The following DPYS variants were observed in gnomAD, a reference collection of about 807,000 sequenced individuals.
DPYS encodes dihydropyrimidine amidohydrolase.
A neutral mutation model predicts 50.3 loss-of-function variants in DPYS; 39 were observed. The ratio of observed to expected loss-of-function variants is 0.78; its 90% CI spans 0.60 to 1.01. The LOEUF is 1.01. Among genes scored for constraint, DPYS ranks in the 50% least tolerant of loss-of-function variants. The pLI, the probability that DPYS is intolerant of heterozygous loss-of-function variation, is 0.00. For synonymous variants in DPYS, 245 were observed against 250.7 expected (o/e 0.98, Z 0.22); for missense variants, 659 against 680.9 (o/e 0.97, Z 0.36).
At chr8:104,455,574 T>G (rs571483015) in intron 1 of DPYS, among the ~76,000 whole-genome samples, 3 of 152,288 alleles carry the variant, frequency 2.0e-5, no homozygotes, top group Middle Eastern at 3.4e-3. Flanking sequence ...CTGGTGGCAT[T>G]TGCAGACAGG....
At chr8:104,440,139 T>C (rs984750014) in intron 4 of DPYS, among the ~76,000 whole-genome samples, 1 of 152,156 alleles carries the variant, frequency 6.6e-6, no homozygotes, top group African/African-American at 2.4e-5. Context: ...AATACTACTA[T>C]GTGCCAGGCA....
At chr8:104,458,517 C>G (rs1588463000) in intron 1 of DPYS, among the ~76,000 whole-genome samples, 1 of 152,320 alleles carries the variant, frequency 6.6e-6, no homozygotes, top group Non-Finnish European at 1.5e-5. Flanking sequence ...TTACCCCATT[C>G]CCCAGAGATT....
At chr8:104,414,987 T>A (rs1347660267) in intron 7 of DPYS, among the ~76,000 whole-genome samples, 1 of 152,232 alleles carries the variant, frequency 6.6e-6, no homozygotes, top group Non-Finnish European at 1.5e-5. Flanking sequence ...AGAATTCTCT[T>A]CTTTTTAATT....
At chr8:104,405,409 T>C (rs1388012483) in intron 7 of DPYS, among the ~76,000 whole-genome samples, 1 of 152,256 alleles carries the variant, frequency 6.6e-6, no homozygotes, top group African/African-American at 2.4e-5. Flanking sequence ...GAAAGCACTA[T>C]ACTCTTCACT....
intron 6 of DPYS, among the ~76,000 whole-genome samples, chr8:104,427,478 C>T (rs1812770333): frequency 6.6e-6 from 1 of 151,808 alleles, no homozygotes; most frequent in Non-Finnish European, 1.5e-5. Context: ...GGGGTTTCAC[C>T]ATGTTAGCCA....
chr8:104,416,654 T>TGTGA (rs1812379311), intron 7 of DPYS, among the ~76,000 whole-genome samples: 2 of 139,432 alleles, frequency 1.4e-5, no homozygotes. Context: ...CTGATGTGCA[T>TGTGA]GTGAGTGTGT....
chr8:104,461,536 G>A (rs1814168889), intron 1 of DPYS, among the ~76,000 whole-genome samples: 1 of 152,088 alleles, frequency 6.6e-6, no homozygotes, highest in Non-Finnish European at 1.5e-5. Flanking sequence ...ATATAAGGAT[G>A]TCTGTCACAG....
At chr8:104,395,290 C>T (rs1459179207) in intron 7 of DPYS, among the ~76,000 whole-genome samples, 1 of 152,226 alleles carries the variant, frequency 6.6e-6, no homozygotes, top group African/African-American at 2.4e-5. Flanking sequence ...TGAGTCACTG[C>T]ACCTGGTTGG....
intron 3 of DPYS, among the ~76,000 whole-genome samples, chr8:104,446,330 A>G (rs566978585): frequency 6.6e-6 from 1 of 152,328 alleles, no homozygotes; most frequent in Admixed American, 6.5e-5. Flanking sequence ...AGCAATATCT[A>G]TATTTAAGAC....
rs1227690402 is a variant in DPYS, at chr8:104,381,277, T to C, written c.1481A>G (p.Lys494Arg). Residue 494 changes from lysine to arginine, a missense_variant, in exon 9 of 10, where the codon AAG (lysine) becomes AGG (arginine). Lys to Arg is a conservative substitution (Grantham distance 26, BLOSUM62 2). Transcript: ENST00000351513. ...GGATTTCAGTGTGGCGACTTCTCCC[T>C]TATAGGGTGCACGCTCCACAGGGGT... ...TPTPVERAPY[K>R]GEVATLKSRV... The C allele has an allele frequency of 3.1e-6, 5 of 1,614,200 alleles. No homozygotes were observed. Among genetic ancestry groups the C allele is most frequent in the Non-Finnish European group, 4.2e-6 (5 of 1,180,010 alleles).
At chr8:104,450,820 T>C (rs1813712057) in intron 2 of DPYS, among the ~76,000 whole-genome samples, 1 of 152,292 alleles carries the variant, frequency 6.6e-6, no homozygotes, top group Non-Finnish European at 1.5e-5. Context: ...GAATTCTAAA[T>C]TTAGAATTTC....
intron 5 of DPYS, 124 bp downstream of exon 5, chr8:104,429,421 C>A (rs1812869985): frequency 1.5e-6 from 2 of 1,320,530 alleles, no homozygotes; most frequent in Non-Finnish European, 2.1e-6. Flanking sequence ...GTACCCAGGA[C>A]CTGACAGGTC....
chr8:104,393,223 T>C (rs1426794051), intron 7 of DPYS, among the ~76,000 whole-genome samples: 2 of 152,228 alleles, frequency 1.3e-5, no homozygotes, highest in Non-Finnish European at 2.9e-5. Context: ...AGGTGATTAA[T>C]GAGGGTGGAG....
chr8:104,399,388 T>C (rs1178138843), intron 7 of DPYS, among the ~76,000 whole-genome samples: 3 of 150,322 alleles, frequency 2.0e-5, no homozygotes, highest in African/African-American at 7.3e-5. Context: ...GCTATTGTCA[T>C]AGGGTGCTGT....
intron 2 of DPYS, among the ~76,000 whole-genome samples, chr8:104,448,758 A>C (rs1329946101): frequency 2.0e-5 from 3 of 152,234 alleles, no homozygotes; most frequent in Admixed American, 2.0e-4. Context: ...CTAACTAAAA[A>C]GTGCAAAATA....
intron 6 of DPYS, among the ~76,000 whole-genome samples, chr8:104,427,319 C>A (rs1258362475): frequency 6.6e-6 from 1 of 150,610 alleles, no homozygotes; most frequent in Non-Finnish European, 1.5e-5. Context: ...ACTGTGTTGC[C>A]CCAGGCTAGA....
At chr8:104,410,632 A>G (rs1315937819) in intron 7 of DPYS, among the ~76,000 whole-genome samples, 1 of 152,054 alleles carries the variant, frequency 6.6e-6, no homozygotes, top group African/African-American at 2.4e-5. Flanking sequence ...ACCATTTTCT[A>G]CTGGTGCCAG....
intron 7 of DPYS, among the ~76,000 whole-genome samples, chr8:104,405,819 C>T (rs998930869): frequency 6.6e-6 from 1 of 152,214 alleles, no homozygotes; most frequent in African/African-American, 2.4e-5. Flanking sequence ...CTGAGGACAT[C>T]CATGCTGGAG....
intron 2 of DPYS, 149 bp downstream of exon 2, chr8:104,451,095 CAA>C: frequency 1.1e-6 from 1 of 938,708 alleles, no homozygotes. Flanking sequence ...ATTAAAAATT[CAA>C]AAGATACAAA....
Sources: gnomAD v4.1 joint callset for allele counts (sites outside exome capture counted in the v4.1 genomes callset) on GRCh38, gnomAD v4.1.1 for gene constraint, MANE v1.5 for transcripts, NCBI Gene and HGNC (gene_info 2026-07-23, HGNC 2026-07-21) for gene names.